The following PAPSS2 variants were observed in gnomAD, a reference collection of about 807,000 sequenced individuals.
The protein encoded by PAPSS2 is bifunctional 3'-phosphoadenosine 5'-phosphosulfate synthase 2.
PAPSS2 carries 61 observed loss-of-function variants against 66.5 expected under a neutral mutation model. The ratio of observed to expected loss-of-function variants is 0.92; its 90% confidence interval spans 0.75 to 1.14. The LOEUF (loss-of-function observed/expected upper bound fraction) is 1.14, where lower values mean the gene tolerates loss of function less well. PAPSS2 is among the 50% of genes most tolerant of loss of function. The probability of loss-of-function intolerance (pLI) is 0.00; values close to 1 mark genes in which losing one functional copy is unlikely to be tolerated. For synonymous variants in PAPSS2, 289 were observed against 287.5 expected (o/e 1.01, Z -0.05); for missense variants, 708 against 789.6 (o/e 0.90, Z 1.24).
At position 87,747,426 on chromosome 10, in the gene PAPSS2, C is replaced by A. The variant is rs1479055438; in HGVS notation, c.*1456C>A. On this transcript the variant is annotated 3_prime_UTR_variant, in exon 13 of 13. Transcript: ENST00000456849. ...ACACTAATCTTAACTAACAAAAGTT[C>A]TTTTGAGAATAAGTTACACACAATG... The A allele has an allele frequency of 6.6e-6, 1 of 152,028 alleles. No homozygotes were observed. The highest frequency in any genetic ancestry group is 1.5e-5 in the Non-Finnish European group (1 of 67,996). 9.4% of individuals were successfully genotyped at this position (152,028 alleles called of 1,614,324 possible). A position where few individuals can be genotyped will look rare whatever the true frequency, so the allele number is the denominator to read the frequency against.
At chr10:87,671,766 GA>G (rs1852881007) in intron 1 of PAPSS2, among the ~76,000 whole-genome samples, 1 of 152,058 alleles carries the variant, frequency 6.6e-6, no homozygotes, top group African/African-American at 2.4e-5. Context: ...AACCAATTGA[GA>G]AAAAAATATA....
intron 1 of PAPSS2, among the ~76,000 whole-genome samples, chr10:87,688,443 T>TTTATTTTA (rs1554863028): frequency 2.2e-5 from 3 of 138,126 alleles, no homozygotes; most frequent in African/African-American, 8.4e-5. Flanking sequence ...TTCTTTTTTA[T>TTTATTTTA]TTTATTTATT....
At chr10:87,673,689 CTTTT>C (rs34935261) in intron 1 of PAPSS2, among the ~76,000 whole-genome samples, 1,052 of 67,408 alleles carry the variant, frequency 0.016, 14 homozygotes, top group African/African-American at 0.052. Flanking sequence ...TTTTGGCTTA[CTTTT>C]TTTTTTTTTT....
intron 1 of PAPSS2, among the ~76,000 whole-genome samples, chr10:87,694,319 G>A (rs1853206350): frequency 6.6e-6 from 1 of 152,190 alleles, no homozygotes. Context: ...GGTTGACAAT[G>A]ACATCTAAAA....
At chr10:87,717,024 G>A (rs1413588319) in intron 7 of PAPSS2, among the ~76,000 whole-genome samples, 2 of 152,270 alleles carry the variant, frequency 1.3e-5, no homozygotes, top group Non-Finnish European at 2.9e-5. Context: ...ATTCATAAGT[G>A]AAAGCCCAAG....
intron 1 of PAPSS2, among the ~76,000 whole-genome samples, chr10:87,704,883 C>A (rs1033117546): frequency 6.6e-6 from 1 of 152,116 alleles, no homozygotes; most frequent in African/African-American, 2.4e-5. Flanking sequence ...CTCAAGTGAT[C>A]CACCCACCTC....
chr10:87,695,018 A>G (rs1346702581), intron 1 of PAPSS2, among the ~76,000 whole-genome samples: 3 of 152,264 alleles, frequency 2.0e-5, no homozygotes, highest in African/African-American at 7.2e-5. Flanking sequence ...AGTCACAAAG[A>G]GAGGCAAAGG....
chr10:87,745,642 A>G (rs1405868457), intron 12 of PAPSS2, among the ~76,000 whole-genome samples, 190 bp from the exon 13 acceptor site: 1 of 152,230 alleles, frequency 6.6e-6, no homozygotes, highest in East Asian at 1.9e-4. Flanking sequence ...CATGGCAAAT[A>G]CTAAATGGAT....
At chr10:87,698,673 A>G (rs551949919) in intron 1 of PAPSS2, among the ~76,000 whole-genome samples, 1 of 152,304 alleles carries the variant, frequency 6.6e-6, no homozygotes, top group African/African-American at 2.4e-5. Context: ...CTTTATTCAC[A>G]ATCTCTCTTT....
In PAPSS2 at chr10:87,660,024, C is replaced by T. The variant is rs779210508; in HGVS notation, c.27+16C>T. The T allele has an allele frequency of 2.1e-5, 34 of 1,610,280 alleles. No individual in the cohort carries two copies. Among genetic ancestry groups the T allele is most frequent in the Non-Finnish European group, 2.8e-5 (33 of 1,178,462 alleles). On this transcript the variant is annotated intron_variant, in intron 1 of 12. Transcript: ENST00000456849. Reference sequence around the variant, plus strand: ...GCAAAAGACGGTAGGCTTCCAGGCGCCGGCTTCCCTCCCCGCCACCGCACT... The same window carrying T: ...GCAAAAGACGGTAGGCTTCCAGGCGTCGGCTTCCCTCCCCGCCACCGCACT...
intron 6 of PAPSS2, 83 bp from the exon 7 acceptor site, chr10:87,715,649 T>C (rs887871044): frequency 1.2e-6 from 1 of 826,344 alleles, no homozygotes; most frequent in Non-Finnish European, 2.1e-6. Flanking sequence ...TCCTGTTAAC[T>C]GAATAAGAAA....
At chr10:87,701,300 TTTCC>T (rs1174780842) in intron 1 of PAPSS2, among the ~76,000 whole-genome samples, 3,215 of 101,842 alleles carry the variant, frequency 0.032, 299 homozygotes, top group East Asian at 0.052. Context: ...TTCTTTCTTT[TTTCC>T]TTCCTTCCTT....
intron 9 of PAPSS2, among the ~76,000 whole-genome samples, chr10:87,728,097 T>C (rs1853682634): frequency 6.6e-6 from 1 of 152,196 alleles, no homozygotes; most frequent in Non-Finnish European, 1.5e-5. Flanking sequence ...AGGTAGGGTC[T>C]ATCATGCCTA....
At chr10:87,707,564 C>CTTTTTTTTTTTTTTTTTTT (rs747152482) in intron 1 of PAPSS2, among the ~76,000 whole-genome samples, 1 of 93,990 alleles carries the variant, frequency 1.1e-5, no homozygotes, top group African/African-American at 4.4e-5. Context: ...TCTTTTTTTT[C>CTTTTTTTTTTTTTTTTTTT]TTTTTTTTTT....
rs773476234 is a variant in PAPSS2, at chr10:87,727,519, C to A, written c.1086+30C>A. The A allele has an allele frequency of 1.8e-5, 28 of 1,553,878 alleles. No homozygotes were observed. In the South Asian group the frequency reaches 2.2e-4, roughly 12 times the overall value. ...GTCACAAAACCTTTGGAAGGACTTTCTTGAGCTATTTAAACTGAGAAGAAA... is the reference window on the plus strand; with the variant it reads ...GTCACAAAACCTTTGGAAGGACTTTATTGAGCTATTTAAACTGAGAAGAAA... On this transcript the variant is annotated intron_variant, in intron 9 of 12. Transcript: ENST00000456849.
At chr10:87,714,658 A>T in intron 4 of PAPSS2, 87 bp from the exon 5 acceptor site, 1 of 865,050 alleles carries the variant, frequency 1.2e-6, no homozygotes, top group Non-Finnish European at 2.0e-6. Context: ...AGTTTAATAC[A>T]TTATTCCAAC....
At chr10:87,663,813 T>C (rs1379893111) in intron 1 of PAPSS2, among the ~76,000 whole-genome samples, 1 of 152,246 alleles carries the variant, frequency 6.6e-6, no homozygotes, top group Admixed American at 6.5e-5. Context: ...GTGCTTCATA[T>C]GCAGTAGCTA....
Position 87,727,283 on chromosome 10 carries a change from G to C in PAPSS2, c.881-1G>C. ...CGTGCATCACATGGCTCTTTCCACA[G>C]ATGGCGTGATCAACATGAGCATCCC... On this transcript the variant is annotated splice_acceptor_variant, in intron 8 of 12. Coordinates refer to ENST00000456849, the MANE Select transcript of PAPSS2 (RefSeq NM_001015880.2). LOFTEE classifies it high-confidence loss of function. The C allele has an allele frequency of 6.2e-7, 1 of 1,612,760 alleles. No individual in the cohort carries two copies. The highest frequency in any genetic ancestry group is 8.5e-7 in the Non-Finnish European group (1 of 1,179,778).
At chr10:87,672,143 T>C (rs1852886144) in intron 1 of PAPSS2, among the ~76,000 whole-genome samples, 1 of 152,214 alleles carries the variant, frequency 6.6e-6, no homozygotes, top group Non-Finnish European at 1.5e-5. Context: ...GTAAATTCCC[T>C]GCAGTCTTCT....
Sources: gnomAD v4.1 joint callset for allele counts (sites outside exome capture counted in the v4.1 genomes callset) on GRCh38, gnomAD v4.1.1 for gene constraint, MANE v1.5 for transcripts, NCBI Gene and HGNC (gene_info 2026-07-23, HGNC 2026-07-21) for gene names.